EFCAB10: variants seen among roughly 807,000 people sequenced by gnomAD.
EFCAB10 encodes EF-hand calcium binding domain 10.
EFCAB10 carries 7 observed loss-of-function variants against 7.7 expected under a neutral mutation model. That is an observed-to-expected ratio of 0.91 (90% CI 0.52 to 1.72). EFCAB10 has a LOEUF of 1.72. Among genes scored for constraint, EFCAB10 ranks in the 40% most tolerant of loss-of-function variants. The pLI, the probability that EFCAB10 is intolerant of heterozygous loss-of-function variation, is 0.00. For synonymous variants in EFCAB10, 52 were observed against 21.0 expected, an observed-to-expected ratio of 2.47 and a Z score of -4.03; for missense variants, 112 against 61.5, an observed-to-expected ratio of 1.82 and a Z score of -2.74.
rs1378660877 is a variant in EFCAB10 at position 105,567,163 on chromosome 7, C to T, written c.383+304G>A. On this transcript the variant is annotated intron_variant, in intron 4 of 4. Coordinates refer to ENST00000480514, the MANE Select transcript of EFCAB10 (RefSeq NM_001355526.2). ...GTTTTGAATTTGAACGTCGGTTCTG[C>T]ACTACTGCTGAAAGATGTACTGCAG... The T allele has an allele frequency of 6.2e-7, 1 of 1,602,096 alleles. No individual in the cohort carries two copies. The highest frequency in any genetic ancestry group is 8.5e-7 in the Non-Finnish European group (1 of 1,176,734).
intron 1 of EFCAB10, among the ~76,000 whole-genome samples, chr7:105,575,225 C>T (rs1008121902): frequency 2.0e-5 from 3 of 152,082 alleles, no homozygotes; most frequent in African/African-American, 7.2e-5. Context: ...CACCAGGTCC[C>T]TTGCACAATG....
At position 105,569,487 on chromosome 7, in the gene EFCAB10, T is replaced by C. The variant is rs748106814; in HGVS notation, c.191A>G (p.Asp64Gly). Residue 64 changes from aspartate to glycine, a missense_variant, in exon 2 of 5, where the codon GAT (aspartate) becomes GGT (glycine). Asp to Gly is a moderately conservative substitution (Grantham distance 94). Transcript: ENST00000480514. ...VTGVAFPFFM[D>G]NSNIVAMFEM... ...AAACATAGCCACAATGTTAGAGTTA[T>C]CCATAAAGAAAGGAAACGCCACGCC... The C allele has an allele frequency of 1.1e-5, 8 of 702,988 alleles. No homozygotes were observed. Among genetic ancestry groups the C allele is most frequent in the Non-Finnish European group, 2.1e-5 (8 of 385,034 alleles). 43.5% of individuals were successfully genotyped at this position (702,988 alleles called of 1,614,324 possible). A position where few individuals can be genotyped will look rare whatever the true frequency, so the allele number is the denominator to read the frequency against.
chr7:105,565,473 C>A, intron 4 of EFCAB10, 26 bp from the exon 5 acceptor site: 1 of 1,612,040 alleles, frequency 6.2e-7, no homozygotes, highest in African/African-American at 1.3e-5. Flanking sequence ...TAAGAATAGA[C>A]TGTTTTTGGG....
chr7:105,581,007 G>A (rs1792219102), intron 1 of EFCAB10, among the ~76,000 whole-genome samples: 1 of 152,136 alleles, frequency 6.6e-6, no homozygotes. Context: ...ATCACCTGAG[G>A]TCAGGAGTTC....
intron 1 of EFCAB10, among the ~76,000 whole-genome samples, chr7:105,579,331 G>T (rs562573079): frequency 6.6e-6 from 1 of 152,168 alleles, no homozygotes; most frequent in Non-Finnish European, 1.5e-5. Flanking sequence ...CCAGACTGGA[G>T]CAGGAAGACA....
chr7:105,566,203 G>C (rs564208358), intron 4 of EFCAB10: 2 of 151,698 alleles, frequency 1.3e-5, no homozygotes, highest in Non-Finnish European at 2.9e-5. Context: ...ATGTGAACCC[G>C]GGAGGCGGAG....
At chr7:105,572,647 C>G (rs962306540) in intron 1 of EFCAB10, 1 of 152,204 alleles carries the variant, frequency 6.6e-6, no homozygotes, top group Non-Finnish European at 1.5e-5. Context: ...CGGTAGTGTA[C>G]AAGGGTTCCC....
rs147143192 is a variant in EFCAB10, at chr7:105,576,442, C to CATTATT, written c.106+4915_106+4916insAATAAT. 6.1e-3 allele frequency among the ~76,000 whole-genome samples: 919 copies of CATTATT among 151,856 alleles called. 12 individuals are homozygous for CATTATT. Among genetic ancestry groups the CATTATT allele is most frequent in the East Asian group, 0.039 (199 of 5,130 alleles). On this transcript the variant is annotated intron_variant, in intron 1 of 4. Transcript: ENST00000480514. ...TAAAGATATTTTAAGGAATTCTCAT[C>CATTATT]ATCATTATTATTATTATTAAGACAG...
intron 1 of EFCAB10, among the ~76,000 whole-genome samples, chr7:105,570,268 T>TACACACAC (rs1554369774): frequency 1.1e-3 from 74 of 66,390 alleles, no homozygotes; most frequent in Non-Finnish European, 1.5e-3. Flanking sequence ...TATATATATA[T>TACACACAC]ACACACACAC....
At chr7:105,577,203 C>A (rs959410918) in intron 1 of EFCAB10, among the ~76,000 whole-genome samples, 1 of 152,196 alleles carries the variant, frequency 6.6e-6, no homozygotes, top group Admixed American at 6.5e-5. Flanking sequence ...CTTTTCCCCC[C>A]ATAATGCCTT....
chr7:105,573,075 G>C (rs1791990444), intron 1 of EFCAB10: 1 of 150,470 alleles, frequency 6.6e-6, no homozygotes, highest in Non-Finnish European at 1.5e-5. Flanking sequence ...CATATAGTTT[G>C]CAAATATATT....
rs1332314751 is a variant in EFCAB10 at position 105,575,548 on chromosome 7, C to T, written c.106+5810G>A. ...GCAAGTTTTTCCTACCAAATTATTT[C>T]AGGTCAGGTCAGGTCTTGCTGTTAC... On this transcript the variant is annotated intron_variant, in intron 1 of 4. Coordinates refer to ENST00000480514, the MANE Select transcript of EFCAB10 (RefSeq NM_001355526.2). Among the ~76,000 whole-genome samples, 4 of 152,128 alleles carry T rather than the reference C, an allele frequency of 2.6e-5. No homozygotes were observed. The East Asian group carries it at 7.7e-4, about 29-fold the overall frequency.
chr7:105,579,867 T>C (rs963428734), intron 1 of EFCAB10, among the ~76,000 whole-genome samples: 1 of 152,220 alleles, frequency 6.6e-6, no homozygotes, highest in African/African-American at 2.4e-5. Context: ...TACTTTTCAA[T>C]TTTTAAACCC....
intron 1 of EFCAB10, among the ~76,000 whole-genome samples, chr7:105,575,386 G>A (rs1792052472): frequency 6.6e-6 from 1 of 152,056 alleles, no homozygotes; most frequent in Non-Finnish European, 1.5e-5. Context: ...TTGGCTTACT[G>A]CAACCTTTGC....
intron 1 of EFCAB10, among the ~76,000 whole-genome samples, chr7:105,581,037 T>C (rs1792220049): frequency 6.6e-6 from 1 of 152,224 alleles, no homozygotes; most frequent in East Asian, 1.9e-4. Context: ...CTGACCAACA[T>C]GACGAAACCC....
At chr7:105,578,887 CAG>C (rs1332743020) in intron 1 of EFCAB10, among the ~76,000 whole-genome samples, 2 of 152,166 alleles carry the variant, frequency 1.3e-5, no homozygotes, top group Non-Finnish European at 2.9e-5. Flanking sequence ...ATTCTCCTGC[CAG>C]AGTCTCCCTA....
intron 1 of EFCAB10, chr7:105,572,140 A>G (rs1414018937): frequency 6.6e-6 from 1 of 152,212 alleles, no homozygotes. Context: ...ACCATGATAT[A>G]CAGTAGATCT....
At chr7:105,575,804 G>A (rs1048807839) in intron 1 of EFCAB10, among the ~76,000 whole-genome samples, 4 of 152,136 alleles carry the variant, frequency 2.6e-5, no homozygotes, top group Admixed American at 6.5e-5. Flanking sequence ...TTGGGAGGCC[G>A]AGGTGGGAGG....
intron 3 of EFCAB10, among the ~76,000 whole-genome samples, chr7:105,568,378 A>G (rs941596746): frequency 4.6e-5 from 7 of 152,172 alleles, no homozygotes; most frequent in African/African-American, 9.7e-5. Context: ...TTTTATTCCA[A>G]TGGTTTTTCT....
Sources: allele counts gnomAD v4.1 joint callset (sites outside exome capture counted in the v4.1 genomes callset), GRCh38; gene constraint gnomAD v4.1.1; transcripts MANE v1.5; gene names NCBI Gene and HGNC (gene_info 2026-07-23, HGNC 2026-07-21).